The following LRRC31 variants were observed in gnomAD, a reference collection of about 807,000 sequenced individuals.
The protein encoded by LRRC31 is leucine-rich repeat-containing protein 31.
A neutral mutation model predicts 46.7 loss-of-function variants in LRRC31; 35 were observed. That is an observed-to-expected ratio of 0.75 (90% CI 0.57 to 0.99). The LOEUF is 0.99. Ranked by LOEUF, LRRC31 falls within the 50% of genes least tolerant of loss-of-function variation. The pLI is 0.00. For synonymous variants in LRRC31, 236 were observed against 235.1 expected (o/e 1.00, Z -0.03); for missense variants, 613 against 626.1 (o/e 0.98, Z 0.22).
chr3:169,857,950 G>T (rs1781021843), intron 3 of LRRC31, among the ~76,000 whole-genome samples: 1 of 152,094 alleles, frequency 6.6e-6, no homozygotes, highest in Admixed American at 6.6e-5. Context: ...ACTTTCTATA[G>T]CCCTGAGGTG....
Position 169,848,277 on chromosome 3 carries a change from A to G in LRRC31, c.1170T>C (p.Ser390=). The G allele has an allele frequency of 1.2e-6, 2 of 1,614,058 alleles. No individual in the cohort carries two copies. Among genetic ancestry groups the G allele is most frequent in the Non-Finnish European group, 8.5e-7 (1 of 1,179,914 alleles). Residue 390 remains serine, a synonymous_variant, in exon 8 of 9, where the codon TCT becomes TCC. Coordinates refer to ENST00000316428, the MANE Select transcript of LRRC31 (RefSeq NM_024727.4). ...ATACTTCCAGAGCAGAGAGGTGAAC[A>G]GAGGCTTCAGCTAAAAGTGATAACA... The part of the protein sequence containing the change: ...SETFTALAEA[S]VHLSALEVFN...
intron 2 of LRRC31, 24 bp downstream of exon 2, chr3:169,861,646 A>G (rs767023207): frequency 1.9e-6 from 3 of 1,611,302 alleles, no homozygotes; most frequent in East Asian, 2.2e-5. Context: ...ATCTTCCTCT[A>G]TGCAAAGTCT....
In LRRC31 at chr3:169,848,273, G is replaced by C; in HGVS notation, c.1174C>G (p.His392Asp). 3 of 1,614,056 alleles carry C rather than the reference G, an allele frequency of 1.9e-6. No individual in the cohort carries two copies. The highest frequency in any genetic ancestry group is 2.5e-6 in the Non-Finnish European group (3 of 1,179,944). Residue 392 changes from histidine to aspartate, a missense_variant, in exon 8 of 9, where the codon CAC becomes GAC. Coordinates refer to ENST00000316428, the MANE Select transcript of LRRC31 (RefSeq NM_024727.4). ...TFTALAEASV[H>D]LSALEVFNLS... is the part of the protein sequence containing the mutation. ...TTGAATACTTCCAGAGCAGAGAGGT[G>C]AACAGAGGCTTCAGCTAAAAGTGAT...
intron 1 of LRRC31, among the ~76,000 whole-genome samples, chr3:169,865,745 G>A (rs531985038): frequency 1.2e-4 from 18 of 152,250 alleles, no homozygotes; most frequent in African/African-American, 3.9e-4. Flanking sequence ...ATTCCAGGTC[G>A]GGGAGGAGGG....
At chr3:169,861,484 A>T (rs1477343049) in intron 2 of LRRC31, among the ~76,000 whole-genome samples, 186 bp downstream of exon 2, 4 of 149,138 alleles carry the variant, frequency 2.7e-5, no homozygotes, top group African/African-American at 5.0e-5. Flanking sequence ...GCGTCACTGC[A>T]CTCCAGCCTG....
At chr3:169,867,611 G>A (rs1193075841) in intron 1 of LRRC31, among the ~76,000 whole-genome samples, 1 of 152,084 alleles carries the variant, frequency 6.6e-6, no homozygotes, top group African/African-American at 2.4e-5. Flanking sequence ...GGCCTTAAGC[G>A]ATCCTCCTGC....
At chr3:169,845,972 G>A (rs1780592684) in intron 8 of LRRC31, among the ~76,000 whole-genome samples, 1 of 152,148 alleles carries the variant, frequency 6.6e-6, no homozygotes, top group African/African-American at 2.4e-5. Flanking sequence ...GGACTTACTT[G>A]TATTCAGAAA....
At position 169,856,864 on chromosome 3, in the gene LRRC31, A is replaced by G. The variant is rs2108216570; in HGVS notation, c.496T>C (p.Phe166Leu). ...TDDVQALGEAFEMIPELEELN... is the reference protein window; with the variant it reads ...TDDVQALGEALEMIPELEELN... ...TCTTCAAGTTCAGGAATCATCTCAA[A>G]TGCTTCTCCTGTTAACAAATGGCCC... is the stretch of plus-strand genomic sequence containing the variant. Residue 166 changes from phenylalanine to leucine, a missense_variant, in exon 4 of 9, where the codon TTT becomes CTT. Phe to Leu is a conservative substitution (Grantham distance 22). Coordinates refer to ENST00000316428, the MANE Select transcript of LRRC31 (RefSeq NM_024727.4). 6.2e-7 allele frequency: 1 copy of G among 1,605,042 alleles called. No individual in the cohort carries two copies. The highest frequency in any genetic ancestry group is 1.1e-5 in the South Asian group (1 of 88,846).
chr3:169,859,848 TG>T (rs1781090886), intron 3 of LRRC31, among the ~76,000 whole-genome samples: 1 of 152,100 alleles, frequency 6.6e-6, no homozygotes, highest in African/African-American at 2.4e-5. Context: ...TAACCTCCAT[TG>T]AAACTACATG....
At chr3:169,860,216 TTTTTC>T (rs924901213) in intron 3 of LRRC31, among the ~76,000 whole-genome samples, 3 of 151,834 alleles carry the variant, frequency 2.0e-5, no homozygotes, top group Non-Finnish European at 4.4e-5. Flanking sequence ...CTTGTTCTTT[TTTTTC>T]TTTTCTTTTC....
intron 5 of LRRC31, among the ~76,000 whole-genome samples, chr3:169,855,532 A>T (rs1780915609): frequency 6.6e-6 from 1 of 152,310 alleles, no homozygotes; most frequent in South Asian, 2.1e-4. Flanking sequence ...GTTTACATAG[A>T]TTTTTAGACT....
chr3:169,852,402 C>CAAA (rs11344242), intron 6 of LRRC31, among the ~76,000 whole-genome samples: 23 of 88,460 alleles, frequency 2.6e-4, no homozygotes, highest in South Asian at 6.6e-4. Context: ...GACTCCGTCT[C>CAAA]AAAAAAAAAA....
intron 1 of LRRC31, among the ~76,000 whole-genome samples, chr3:169,866,987 G>A (rs116626941): frequency 0.058 from 8,370 of 143,580 alleles, 322 homozygotes; most frequent in Admixed American, 0.096. Context: ...AACAAAATCG[G>A]CCATGGGTTG....
At chr3:169,841,402 T>C (rs892193865) in intron 8 of LRRC31, among the ~76,000 whole-genome samples, 1 of 152,210 alleles carries the variant, frequency 6.6e-6, no homozygotes, top group Non-Finnish European at 1.5e-5. Flanking sequence ...AGGAGGATGC[T>C]CCAACTCCAT....
At chr3:169,855,101 G>A in intron 5 of LRRC31, 121 bp from the exon 6 acceptor site, 1 of 774,206 alleles carries the variant, frequency 1.3e-6, no homozygotes, top group Non-Finnish European at 2.1e-6. Context: ...GTCCAGCTTG[G>A]GCAGCATAGT....
At chr3:169,851,872 C>T in intron 6 of LRRC31, 86 bp from the exon 7 acceptor site, 1 of 1,388,612 alleles carries the variant, frequency 7.2e-7, no homozygotes, top group African/African-American at 1.4e-5. Context: ...TCTGTTTAAT[C>T]TGTCAGTCAA....
chr3:169,840,015 T>G lies in LRRC31; in HGVS notation c.1626A>C (p.Arg542Ser). ...ELECFDQDKK[R>S]SIHFDHGGFQ ...ACCCACCATGGTCAAAGTGAATGCT[T>G]CTTTTTTTATCTTGGTCAAAGCATT... The change falls in exon 9 of 9, where the codon AGA (arginine) becomes AGC (serine). Residue 542 changes from arginine (R) to serine (S), a missense_variant. Transcript: ENST00000316428. 1.2e-6 allele frequency: 2 copies of G among 1,613,456 alleles called. No individual in the cohort carries two copies. The highest frequency in any genetic ancestry group is 1.7e-6 in the Non-Finnish European group (2 of 1,179,782).
At chr3:169,852,588 A>G (rs1170584038) in intron 6 of LRRC31, among the ~76,000 whole-genome samples, 1 of 152,174 alleles carries the variant, frequency 6.6e-6, no homozygotes, top group Non-Finnish European at 1.5e-5. Flanking sequence ...AGGCAATGAA[A>G]ACAAGCCATC....
chr3:169,856,919 G>A, intron 3 of LRRC31, 47 bp from the exon 4 acceptor site: 1 of 1,544,294 alleles, frequency 6.5e-7, no homozygotes, highest in Non-Finnish European at 8.8e-7. Flanking sequence ...AGTCAGAAAA[G>A]CAGGGAATTC....
Sources: allele counts gnomAD v4.1 joint callset (sites outside exome capture counted in the v4.1 genomes callset), GRCh38; gene constraint gnomAD v4.1.1; transcripts MANE v1.5; gene names NCBI Gene and HGNC (gene_info 2026-07-23, HGNC 2026-07-21).